The following KCNIP4 variants were observed in gnomAD, a reference collection of about 807,000 sequenced individuals.
KCNIP4 encodes potassium voltage-gated channel interacting protein 4, also known as Kv channel-interacting protein 4.
Under a neutral mutation model 34.0 loss-of-function variants are expected in KCNIP4, and 12 were observed. That is an observed-to-expected ratio of 0.35 (90% CI 0.23 to 0.57). KCNIP4 has a LOEUF of 0.57. KCNIP4 is among the 20% of genes least tolerant of loss of function. The pLI is 0.83. For synonymous variants in KCNIP4, 124 were observed against 102.2 expected, an observed-to-expected ratio of 1.21 and a Z score of -1.29; for missense variants, 238 against 311.7, an observed-to-expected ratio of 0.76 and a Z score of 1.78.
intron 1 of KCNIP4, among the ~76,000 whole-genome samples, chr4:21,593,369 G>A (rs1742375045): frequency 6.6e-6 from 1 of 152,060 alleles, no homozygotes. Context: ...AAGACAGAGT[G>A]GGAACCTCCG....
At chr4:21,561,677 T>C (rs546787263) in intron 1 of KCNIP4, among the ~76,000 whole-genome samples, 1 of 152,068 alleles carries the variant, frequency 6.6e-6, no homozygotes, top group African/African-American at 2.4e-5. Flanking sequence ...TAAAAAAAGC[T>C]GTTAAGGCAA....
chr4:20,840,759 A>G (rs1719624939), intron 3 of KCNIP4, among the ~76,000 whole-genome samples: 1 of 152,170 alleles, frequency 6.6e-6, no homozygotes, highest in Non-Finnish European at 1.5e-5. Context: ...GAGTTACTGG[A>G]GCTGTGTGTT....
intron 1 of KCNIP4, among the ~76,000 whole-genome samples, chr4:21,399,342 C>G (rs959853499): frequency 1.3e-5 from 2 of 152,224 alleles, no homozygotes; most frequent in Non-Finnish European, 2.9e-5. Flanking sequence ...CTGAGACTGA[C>G]CCTCACAGGA....
At chr4:20,735,530 G>GTTTTT (rs10542507) in intron 5 of KCNIP4, among the ~76,000 whole-genome samples, 1 of 109,714 alleles carries the variant, frequency 9.1e-6, no homozygotes, top group Non-Finnish European at 1.8e-5. Context: ...TTTTTTTTTT[G>GTTTTT]TTTTTTTTTT....
intron 1 of KCNIP4, among the ~76,000 whole-genome samples, chr4:21,491,974 C>T (rs1732436374): frequency 6.6e-6 from 1 of 152,072 alleles, no homozygotes; most frequent in South Asian, 2.1e-4. Flanking sequence ...TCATGTTTTC[C>T]AATTCCCTGG....
At chr4:21,312,439 C>A (rs920320980) in intron 1 of KCNIP4, among the ~76,000 whole-genome samples, 1 of 152,130 alleles carries the variant, frequency 6.6e-6, no homozygotes, top group Admixed American at 6.6e-5. Flanking sequence ...CTTCTCTGGA[C>A]CACACTGTGA....
At chr4:21,326,289 C>CATAT (rs61553563) in intron 1 of KCNIP4, among the ~76,000 whole-genome samples, 4,407 of 148,582 alleles carry the variant, frequency 0.03, 113 homozygotes, top group African/African-American at 0.07. Flanking sequence ...GTTGGATATA[C>CATAT]ATATATATAT....
chr4:20,960,647 A>C (rs1174255050), intron 1 of KCNIP4, among the ~76,000 whole-genome samples: 1 of 152,254 alleles, frequency 6.6e-6, no homozygotes, highest in African/African-American at 2.4e-5. Flanking sequence ...GCAGGGGCGA[A>C]TATCCATTAA....
At chr4:20,833,410 G>A (rs921466738) in intron 3 of KCNIP4, among the ~76,000 whole-genome samples, 12 of 151,990 alleles carry the variant, frequency 7.9e-5, no homozygotes, top group South Asian at 2.1e-4. Context: ...ACTTAAACCC[G>A]GGAGGCGGAG....
intron 3 of KCNIP4, among the ~76,000 whole-genome samples, chr4:20,832,011 C>G (rs1369865350): frequency 6.6e-6 from 1 of 152,228 alleles, no homozygotes; most frequent in East Asian, 1.9e-4. Context: ...CACAAAAGGA[C>G]TAATCATATC....
At chr4:20,789,754 C>T (rs552577099) in intron 3 of KCNIP4, among the ~76,000 whole-genome samples, 19 of 151,092 alleles carry the variant, frequency 1.3e-4, no homozygotes, top group African/African-American at 4.4e-4. Flanking sequence ...TATGAGACAT[C>T]ATCCTAGATC....
At chr4:21,043,552 T>C (rs1742148828) in intron 1 of KCNIP4, among the ~76,000 whole-genome samples, 1 of 151,916 alleles carries the variant, frequency 6.6e-6, no homozygotes, top group South Asian at 2.1e-4. Context: ...TTGGCCAGGC[T>C]GGTCTCAAAC....
chr4:20,919,429 C>T (rs1166826453), intron 1 of KCNIP4, among the ~76,000 whole-genome samples: 3 of 150,410 alleles, frequency 2.0e-5, no homozygotes, highest in Non-Finnish European at 3.0e-5. Flanking sequence ...ATAGATCGGG[C>T]GCGGTGGCTC....
At chr4:21,513,056 A>G (rs1309460841) in intron 1 of KCNIP4, among the ~76,000 whole-genome samples, 1 of 152,208 alleles carries the variant, frequency 6.6e-6, no homozygotes, top group East Asian at 1.9e-4. Context: ...CTCCACTGCT[A>G]CCATTGCCAT....
At chr4:21,252,230 C>T (rs1760762990) in intron 1 of KCNIP4, among the ~76,000 whole-genome samples, 2 of 150,488 alleles carry the variant, frequency 1.3e-5, no homozygotes, top group African/African-American at 4.9e-5. Context: ...CGAGTTCAAG[C>T]GATTCTTCTG....
intron 1 of KCNIP4, among the ~76,000 whole-genome samples, chr4:21,072,038 G>A (rs1208960867): frequency 2.0e-5 from 3 of 152,072 alleles, no homozygotes; most frequent in Admixed American, 6.6e-5. Context: ...AATCCAGTCT[G>A]TCATTGATGG....
intron 1 of KCNIP4, among the ~76,000 whole-genome samples, chr4:20,949,158 G>C (rs911222144): frequency 6.6e-6 from 1 of 152,138 alleles, no homozygotes; most frequent in East Asian, 1.9e-4. Context: ...GCGACTGCTC[G>C]CATGAGAGGG....
At chr4:21,906,835 T>G (rs1013723737) in intron 1 of KCNIP4, among the ~76,000 whole-genome samples, 11 of 152,222 alleles carry the variant, frequency 7.2e-5, no homozygotes, top group African/African-American at 2.7e-4. Flanking sequence ...CAATAAGGTA[T>G]GCATCCAAAG....
chr4:21,618,635 T>TA (rs1237688527), intron 1 of KCNIP4, among the ~76,000 whole-genome samples: 1 of 137,020 alleles, frequency 7.3e-6, no homozygotes, highest in Non-Finnish European at 1.6e-5. Context: ...TTTTTCTTTT[T>TA]TTTTTTTTTT....
Sources: allele counts gnomAD v4.1 joint callset (sites outside exome capture counted in the v4.1 genomes callset), GRCh38; gene constraint gnomAD v4.1.1; transcripts MANE v1.5; gene names NCBI Gene and HGNC (gene_info 2026-07-23, HGNC 2026-07-21).